Variants in TMEM248 observed in about 807,000 individuals in gnomAD.
TMEM248 encodes UPF0458 protein C7orf42.
TMEM248 carries 9 observed loss-of-function variants against 30.3 expected under a neutral mutation model. The ratio of observed to expected loss-of-function variants is 0.30; its 90% CI spans 0.18 to 0.52. The LOEUF (loss-of-function observed/expected upper bound fraction) is 0.52, where lower values mean the gene tolerates loss of function less well. Among genes scored for constraint, TMEM248 ranks in the 20% least tolerant of loss-of-function variants. The probability of loss-of-function intolerance (pLI) is 0.97; values close to 1 mark genes in which losing one functional copy is unlikely to be tolerated. For synonymous variants in TMEM248, 184 were observed against 154.4 expected (o/e 1.19, Z -1.42); for missense variants, 338 against 403.3 (o/e 0.84, Z 1.39).
At chr7:66,950,665 C>G (rs373548055) in intron 4 of TMEM248, among the ~76,000 whole-genome samples, 1 of 152,182 alleles carries the variant, frequency 6.6e-6, no homozygotes, top group East Asian at 1.9e-4. Context: ...TGCTTTGCAT[C>G]ACATGTGAGA....
chr7:66,928,776 T>A (rs68061494), intron 1 of TMEM248, among the ~76,000 whole-genome samples: 18 of 121,346 alleles, frequency 1.5e-4, no homozygotes, highest in South Asian at 3.3e-4. Flanking sequence ...CTTAAAAAAA[T>A]TTTTTTTTTC....
chr7:66,943,572 T>A (rs1161750355), intron 2 of TMEM248, among the ~76,000 whole-genome samples: 1 of 152,222 alleles, frequency 6.6e-6, no homozygotes, highest in Non-Finnish European at 1.5e-5. Context: ...GGAGAGTCCC[T>A]AATTTGCCCT....
intron 1 of TMEM248, among the ~76,000 whole-genome samples, chr7:66,935,657 C>T (rs1349937878): frequency 1.3e-5 from 2 of 152,172 alleles, no homozygotes; most frequent in African/African-American, 2.4e-5. Flanking sequence ...ATTCTCATGC[C>T]TCAGCCTCAT....
intron 1 of TMEM248, among the ~76,000 whole-genome samples, chr7:66,924,944 C>T (rs909933836): frequency 6.7e-6 from 1 of 149,976 alleles, no homozygotes. Context: ...CTCCTGACCT[C>T]GTGATCCGCC....
intron 1 of TMEM248, among the ~76,000 whole-genome samples, chr7:66,935,894 GA>G (rs1791790659): frequency 1.3e-5 from 2 of 152,160 alleles, no homozygotes; most frequent in African/African-American, 4.8e-5. Flanking sequence ...AAATGCTACT[GA>G]TTTTTGTAGG....
At position 66,948,617 on chromosome 7, in the gene TMEM248, C is replaced by G; in HGVS notation, c.519C>G (p.Leu173=). The G allele has an allele frequency of 6.2e-7, 1 of 1,614,176 alleles. No homozygotes were observed. Among genetic ancestry groups the G allele is most frequent in the Non-Finnish European group, 8.5e-7 (1 of 1,180,010 alleles). Residue 173 remains leucine, a synonymous_variant, in exon 4 of 7, where the codon CTC becomes CTG. Transcript: ENST00000341567. ...PTAWSSDDCA[L]HGHCEQVVFT... is the part of the protein sequence containing the mutation. ...CGTGGAGCTCAGATGACTGCGCCCT[C>G]CACGGTCACTGTGAGCAGGTGGTAT... is the stretch of plus-strand genomic sequence containing the variant.
chr7:66,953,494 T>G, intron 6 of TMEM248, 125 bp downstream of exon 6: 1 of 1,312,978 alleles, frequency 7.6e-7, no homozygotes, highest in East Asian at 2.3e-5. Context: ...CAGTCATCCC[T>G]TGGTATCCGA....
At chr7:66,936,510 GT>G (rs1312259571) in intron 1 of TMEM248, among the ~76,000 whole-genome samples, 2 of 151,806 alleles carry the variant, frequency 1.3e-5, no homozygotes, top group Admixed American at 6.6e-5. Flanking sequence ...TCTGCCTGTA[GT>G]TTTCCTTTTT....
intron 5 of TMEM248, among the ~76,000 whole-genome samples, chr7:66,953,021 A>C (rs1792309236): frequency 6.6e-6 from 1 of 152,190 alleles, no homozygotes; most frequent in African/African-American, 2.4e-5. Flanking sequence ...GCTCTCCAAC[A>C]GAGGCTCGGG....
chr7:66,927,192 GC>G (rs1398940209), intron 1 of TMEM248, among the ~76,000 whole-genome samples: 1 of 152,104 alleles, frequency 6.6e-6, no homozygotes, highest in Non-Finnish European at 1.5e-5. Context: ...TTTTTAAGAA[GC>G]GGGGGGGTTG....
chr7:66,939,836 A>G (rs1435533673), intron 1 of TMEM248, among the ~76,000 whole-genome samples: 3 of 152,146 alleles, frequency 2.0e-5, no homozygotes, highest in Non-Finnish European at 4.4e-5. Context: ...ACAAACAGTA[A>G]ACAAGTAGGA....
intron 1 of TMEM248, among the ~76,000 whole-genome samples, chr7:66,922,703 T>TC (rs369081872): frequency 0.16 from 23,738 of 151,682 alleles, 2,204 homozygotes; most frequent in East Asian, 0.28. Context: ...GAAAGGTAGA[T>TC]TATATATATA....
chr7:66,942,082 C>T, intron 2 of TMEM248, 58 bp downstream of exon 2: 1 of 1,552,416 alleles, frequency 6.4e-7, no homozygotes, highest in Non-Finnish European at 8.8e-7. Context: ...GGGGCAACAC[C>T]CTGTGGCTTG....
chr7:66,951,241 C>T (rs768863742), intron 5 of TMEM248, 106 bp downstream of exon 5: 41 of 1,088,358 alleles, frequency 3.8e-5, no homozygotes, highest in Non-Finnish European at 4.8e-5. Context: ...CCTGGGTAAG[C>T]GTATCCTCTG....
At chr7:66,952,525 G>A (rs1562945600) in intron 5 of TMEM248, among the ~76,000 whole-genome samples, 2 of 152,188 alleles carry the variant, frequency 1.3e-5, no homozygotes, top group East Asian at 3.8e-4. Context: ...GCAGTGTGTT[G>A]AGAAGACTGA....
chr7:66,953,103 A>T, intron 5 of TMEM248, 123 bp from the exon 6 acceptor site: 1 of 1,087,362 alleles, frequency 9.2e-7, no homozygotes, highest in South Asian at 1.5e-5. Context: ...CTCCTCTTGC[A>T]GCTTAAGAAG....
chr7:66,929,454 T>TTG (rs1791611751), intron 1 of TMEM248, among the ~76,000 whole-genome samples: 2 of 140,256 alleles, frequency 1.4e-5, no homozygotes, highest in Non-Finnish European at 3.0e-5. Context: ...TTTTTTTTTT[T>TTG]GATACAGACT....
chr7:66,944,919 G>A lies in TMEM248; in HGVS notation c.160-57G>A, dbSNP rs74848881. On this transcript the variant is annotated intron_variant, in intron 2 of 6. Transcript: ENST00000341567. ...ACACTGGGGTCTTACCTGTATTCCCGCAGTGGGAGACAGGCGCTGCTTAAC... is the reference window on the plus strand; with the variant it reads ...ACACTGGGGTCTTACCTGTATTCCCACAGTGGGAGACAGGCGCTGCTTAAC... 4,948 of 1,577,828 alleles carry A rather than the reference G, an allele frequency of 3.1e-3. 25 individuals are homozygous for A. The highest frequency in any genetic ancestry group is 0.015 in the Middle Eastern group (88 of 5,964).
intron 4 of TMEM248, 130 bp from the exon 5 acceptor site, chr7:66,950,822 C>G: frequency 1.6e-6 from 1 of 619,548 alleles, no homozygotes. Flanking sequence ...GAAGCATGAA[C>G]GTGTAAGTTA....
Sources: allele counts gnomAD v4.1 joint callset (sites outside exome capture counted in the v4.1 genomes callset), GRCh38; gene constraint gnomAD v4.1.1; transcripts MANE v1.5; gene names NCBI Gene and HGNC (gene_info 2026-07-23, HGNC 2026-07-21).